SPATA6: variants seen among roughly 807,000 people sequenced by gnomAD.
SPATA6 encodes spermatogenesis-associated protein 6.
In SPATA6, 56 loss-of-function variants were observed where a neutral mutation model predicts 65.3. The ratio of observed to expected loss-of-function variants is 0.86; its 90% confidence interval spans 0.69 to 1.07. SPATA6 has a LOEUF of 1.07. SPATA6 is among the 50% of genes least tolerant of loss of function. The pLI, the probability that SPATA6 is intolerant of heterozygous loss-of-function variation, is 0.00. For synonymous variants in SPATA6, 199 were observed against 213.2 expected, an observed-to-expected ratio of 0.93 and a Z score of 0.58; for missense variants, 590 against 594.8, an observed-to-expected ratio of 0.99 and a Z score of 0.08.
intron 9 of SPATA6, among the ~76,000 whole-genome samples, chr1:48,375,593 T>C (rs72893271): frequency 0.025 from 3,755 of 152,238 alleles, 99 homozygotes; most frequent in African/African-American, 0.067. Flanking sequence ...AAATCTCCCA[T>C]GTTTCTAGAA....
intron 11 of SPATA6, among the ~76,000 whole-genome samples, chr1:48,315,444 T>C (rs1217167640): frequency 6.6e-6 from 1 of 152,132 alleles, no homozygotes; most frequent in Admixed American, 6.5e-5. Context: ...AAAAACGACA[T>C]GATTATCTCA....
At chr1:48,430,217 A>C (rs1219183539) in intron 3 of SPATA6, among the ~76,000 whole-genome samples, 1 of 152,188 alleles carries the variant, frequency 6.6e-6, no homozygotes. Flanking sequence ...ACAAAGTGAG[A>C]ATCTTGAAAA....
chr1:48,407,491 T>C (rs550470693), intron 5 of SPATA6, among the ~76,000 whole-genome samples: 2 of 152,332 alleles, frequency 1.3e-5, no homozygotes, highest in South Asian at 2.1e-4. Flanking sequence ...GTGCTATTTG[T>C]GCCACTGCCC....
At chr1:48,283,781 T>A in the SPATA6 span, among the ~76,000 whole-genome samples, 1 of 151,646 alleles carries the variant, frequency 6.6e-6, no homozygotes, top group Non-Finnish European at 1.5e-5. Flanking sequence ...GCATTTAGGG[T>A]TTCTGCAGAG....
chr1:48,445,520 C>T (rs530711863), intron 3 of SPATA6, among the ~76,000 whole-genome samples: 8 of 151,880 alleles, frequency 5.3e-5, no homozygotes, highest in Admixed American at 2.0e-4. Context: ...ATTAGCCGGG[C>T]GTGGTGGCAG....
intron 1 of SPATA6, among the ~76,000 whole-genome samples, chr1:48,467,076 T>C (rs935230590): frequency 3.3e-5 from 5 of 152,170 alleles, no homozygotes; most frequent in Admixed American, 2.0e-4. Flanking sequence ...TATAATTCTT[T>C]TGATGCTCTT....
intron 11 of SPATA6, among the ~76,000 whole-genome samples, chr1:48,307,187 G>C (rs978130186): frequency 4.0e-5 from 6 of 151,376 alleles, no homozygotes; most frequent in African/African-American, 7.3e-5. Context: ...CTGTCTTAAA[G>C]GGAGTAAAAA....
rs185445593 is a variant in SPATA6 at position 48,365,770 on chromosome 1, C to T, written c.910-6000G>A. On this transcript the variant is annotated intron_variant, in intron 9 of 12. Transcript: ENST00000371847. Reference sequence around the variant, plus strand: ...ACAATTTGACTTCCTCTTTCCCTAACTGAATACCCTTTATTTCCTTCTCCT... The same window carrying T: ...ACAATTTGACTTCCTCTTTCCCTAATTGAATACCCTTTATTTCCTTCTCCT... Among the ~76,000 whole-genome samples, 46 of 152,146 alleles carry T rather than the reference C, an allele frequency of 3.0e-4. No homozygotes were observed. In the East Asian group the frequency reaches 5.4e-3, roughly 18 times the overall value.
chr1:48,423,548 TTTTC>T lies in SPATA6; in HGVS notation c.239-10401_239-10398del, dbSNP rs200248838. On this transcript the variant is annotated intron_variant, in intron 3 of 12. Transcript: ENST00000371847. ...AACAGAACTTTTATTTAATGTTTAA[TTTTC>T]TTTCTTTCTTTCTTTTTTTTTTTTT... 2.2e-3 allele frequency among the ~76,000 whole-genome samples: 299 copies of T among 135,328 alleles called. 2 individuals are homozygous for T. The highest frequency in any genetic ancestry group is 6.7e-3 in the African/African-American group (255 of 38,148). The allele number at this position is 135,328 out of a possible 152,430, so 88.8% of individuals were successfully genotyped here. A position where few individuals can be genotyped will look rare whatever the true frequency, so the allele number is the denominator to read the frequency against.
At chr1:48,339,556 T>C (rs1004807007) in intron 11 of SPATA6, among the ~76,000 whole-genome samples, 4 of 151,870 alleles carry the variant, frequency 2.6e-5, no homozygotes, top group African/African-American at 7.3e-5. Context: ...GTTTAAGACT[T>C]GGAAAAATTG....
intron 1 of SPATA6, among the ~76,000 whole-genome samples, chr1:48,454,249 A>G (rs1224691042): frequency 6.6e-6 from 1 of 152,128 alleles, no homozygotes; most frequent in Non-Finnish European, 1.5e-5. Flanking sequence ...ATTTGAGTAC[A>G]ATATAATATT....
intron 11 of SPATA6, among the ~76,000 whole-genome samples, chr1:48,348,853 C>T (rs1646441093): frequency 6.6e-6 from 1 of 151,968 alleles, no homozygotes; most frequent in Admixed American, 6.6e-5. Context: ...TTCATTCTAG[C>T]CTTCATCCTC....
chr1:48,380,762 G>A (rs1218793582), intron 9 of SPATA6, among the ~76,000 whole-genome samples: 3 of 152,146 alleles, frequency 2.0e-5, no homozygotes, highest in Non-Finnish European at 4.4e-5. Flanking sequence ...GCATGTGTAT[G>A]TGTTTGCATA....
At chr1:48,462,004 C>T (rs1219145535) in intron 1 of SPATA6, among the ~76,000 whole-genome samples, 1 of 152,200 alleles carries the variant, frequency 6.6e-6, no homozygotes, top group Non-Finnish European at 1.5e-5. Flanking sequence ...CCGTGGCATA[C>T]TATGCAGCCA....
intron 3 of SPATA6, among the ~76,000 whole-genome samples, chr1:48,413,854 A>G (rs554447726): frequency 1.3e-5 from 2 of 152,344 alleles, no homozygotes; most frequent in East Asian, 3.9e-4. Context: ...TTCTTACAAT[A>G]AAGTAAGCTA....
rs754641660 is a variant in SPATA6, at chr1:48,355,735, C to A, written c.1129G>T (p.Asp377Tyr). 1 of 1,613,028 alleles carries A rather than the reference C, an allele frequency of 6.2e-7. No individual in the cohort carries two copies. The highest frequency in any genetic ancestry group is 1.1e-5 in the South Asian group (1 of 90,990). ...TTTTTTACCCGGTCATGGATCTCAT[C>A]GCAGTTTGAAGGTGAACACCAATCA... is the stretch of plus-strand genomic sequence containing the variant. Reference protein sequence around the residue: ...HSDWCSPSNCDEIHDRVKNVL... With the variant: ...HSDWCSPSNCYEIHDRVKNVL... The change falls in exon 11 of 13, where the codon GAT becomes TAT. Residue 377 changes from aspartate to tyrosine, a missense_variant. Coordinates refer to ENST00000371847, the MANE Select transcript of SPATA6 (RefSeq NM_019073.4).
intron 11 of SPATA6, chr1:48,325,460 G>T: frequency 4.1e-6 from 5 of 1,217,960 alleles, no homozygotes; most frequent in Non-Finnish European, 6.1e-6. Flanking sequence ...CTATGTTCCT[G>T]AATCGACAAA....
chr1:48,423,122 A>C (rs903628669), intron 3 of SPATA6, among the ~76,000 whole-genome samples: 4 of 152,184 alleles, frequency 2.6e-5, no homozygotes, highest in Non-Finnish European at 5.9e-5. Context: ...GATTTCATTT[A>C]TATGAAGTCC....
chr1:48,302,963 G>C (rs886730799), intron 12 of SPATA6, among the ~76,000 whole-genome samples: 1 of 151,840 alleles, frequency 6.6e-6, no homozygotes, highest in Admixed American at 6.6e-5. Context: ...CCCATGCTCT[G>C]CTCCATATAG....
Sources: gnomAD v4.1 joint callset for allele counts (sites outside exome capture counted in the v4.1 genomes callset) on GRCh38, gnomAD v4.1.1 for gene constraint, MANE v1.5 for transcripts, NCBI Gene and HGNC (gene_info 2026-07-23, HGNC 2026-07-21) for gene names.